TLK1: variants seen among roughly 807,000 people sequenced by gnomAD.
TLK1 encodes the protein tousled like kinase 1.
Under a neutral mutation model 105.3 loss-of-function variants are expected in TLK1, and 24 were observed. The ratio of observed to expected loss-of-function variants is 0.23; its 90% CI spans 0.17 to 0.32. The LOEUF is 0.32. Among genes scored for constraint, TLK1 ranks in the 10% least tolerant of loss-of-function variants. The pLI is 1.00. For synonymous variants in TLK1, 321 were observed against 310.4 expected, an observed-to-expected ratio of 1.03 and a Z score of -0.36; for missense variants, 558 against 910.5, an observed-to-expected ratio of 0.61 and a Z score of 4.98.
intron 4 of TLK1, among the ~76,000 whole-genome samples, chr2:171,060,870 GGACAT>G (rs1255001240): frequency 6.6e-6 from 1 of 152,032 alleles, no homozygotes; most frequent in Non-Finnish European, 1.5e-5. Flanking sequence ...TGCCAGATTT[GGACAT>G]GATACTTGTC....
intron 3 of TLK1, among the ~76,000 whole-genome samples, chr2:171,074,600 C>G (rs1283086401): frequency 6.8e-6 from 1 of 146,088 alleles, no homozygotes; most frequent in African/African-American, 2.6e-5. Context: ...GCACTCCAAC[C>G]TGCGTGACAG....
Position 170,991,957 on chromosome 2 carries a change from T to TTA in TLK1, c.*1821_*1822dup, listed in dbSNP as rs1336690341. On this transcript the variant is annotated 3_prime_UTR_variant, in exon 21 of 21. Coordinates refer to ENST00000431350, the MANE Select transcript of TLK1 (RefSeq NM_012290.5). ...CAGAGGAATGGGTATAGCCAGCCCCTTAAACCACTCTTGATGGTTCTAAGT... is the reference window on the plus strand; with the variant it reads ...CAGAGGAATGGGTATAGCCAGCCCCTTATAAACCACTCTTGATGGTTCTAAGT... 6.6e-6 allele frequency: 1 copy of TTA among 152,166 alleles called. No homozygotes were observed. The highest frequency in any genetic ancestry group is 1.5e-5 in the Non-Finnish European group (1 of 68,002). The allele number at this position is 152,166 out of a possible 1,614,324, so 9.4% of individuals were successfully genotyped here. A position where few individuals can be genotyped will look rare whatever the true frequency, so the allele number is the denominator to read the frequency against.
intron 20 of TLK1, among the ~76,000 whole-genome samples, chr2:170,994,528 T>C (rs1260357454): frequency 7.3e-6 from 1 of 136,754 alleles, no homozygotes; most frequent in Admixed American, 7.5e-5. Flanking sequence ...TCTTTGAGAA[T>C]AGCCTCTTAC....
intron 10 of TLK1, among the ~76,000 whole-genome samples, chr2:171,049,303 TAATA>T (rs1370903837): frequency 2.0e-5 from 3 of 151,978 alleles, no homozygotes; most frequent in African/African-American, 4.8e-5. Context: ...AATAAATAAA[TAATA>T]AATAGAGTTT....
intron 1 of TLK1, chr2:171,155,537 T>C (rs1474702971): frequency 6.6e-6 from 1 of 152,040 alleles, no homozygotes; most frequent in African/African-American, 2.4e-5. Flanking sequence ...TGAATATATA[T>C]AAGTATAGTT....
At chr2:171,056,875 T>A (rs1687527890) in intron 5 of TLK1, among the ~76,000 whole-genome samples, 1 of 151,836 alleles carries the variant, frequency 6.6e-6, no homozygotes, top group Non-Finnish European at 1.5e-5. Flanking sequence ...TATTTTGTTT[T>A]CCCCCCAAAT....
chr2:171,188,735 T>C (rs1054680826), intron 1 of TLK1, among the ~76,000 whole-genome samples: 5 of 134,090 alleles, frequency 3.7e-5, no homozygotes, highest in African/African-American at 1.1e-4. Flanking sequence ...AGAAAATTAG[T>C]AGGACGTGGT....
At chr2:171,043,182 C>T (rs1686773288) in intron 11 of TLK1, among the ~76,000 whole-genome samples, 1 of 152,164 alleles carries the variant, frequency 6.6e-6, no homozygotes, top group South Asian at 2.1e-4. Flanking sequence ...GACATTGATG[C>T]TGCGACTGAA....
intron 18 of TLK1, among the ~76,000 whole-genome samples, chr2:171,003,977 C>T (rs935940236): frequency 2.6e-5 from 4 of 151,436 alleles, no homozygotes; most frequent in African/African-American, 9.7e-5. Flanking sequence ...TTTTTCGAGA[C>T]GGAGTCTTGC....
At chr2:171,018,109 T>C (rs1487698287) in intron 12 of TLK1, among the ~76,000 whole-genome samples, 1 of 152,126 alleles carries the variant, frequency 6.6e-6, no homozygotes, top group Non-Finnish European at 1.5e-5. Flanking sequence ...CTTTGGGAGG[T>C]ACTTAGGGTT....
chr2:171,067,044 T>TG, intron 3 of TLK1: 2 of 1,397,172 alleles, frequency 1.4e-6, no homozygotes, highest in Non-Finnish European at 9.5e-7. Context: ...AACATACTCC[T>TG]GTATCATACC....
intron 3 of TLK1, among the ~76,000 whole-genome samples, chr2:171,067,907 T>C (rs1421018880): frequency 2.0e-5 from 3 of 152,212 alleles, no homozygotes; most frequent in Non-Finnish European, 4.4e-5. Flanking sequence ...TTGCTGAGAA[T>C]GATGGTTTCC....
At chr2:171,083,032 T>C (rs1324439615) in intron 2 of TLK1, among the ~76,000 whole-genome samples, 180 bp from the exon 3 acceptor site, 1 of 152,214 alleles carries the variant, frequency 6.6e-6, no homozygotes, top group Non-Finnish European at 1.5e-5. Flanking sequence ...CTTAACACTA[T>C]ATACTTTGAA....
At position 171,018,182 on chromosome 2, in the gene TLK1, C is replaced by T. The variant is rs1467556657; in HGVS notation, c.1237-3234G>A. 2.0e-5 allele frequency among the ~76,000 whole-genome samples: 3 copies of T among 152,154 alleles called. No individual in the cohort carries two copies. The South Asian group carries it at 6.2e-4, about 32-fold the overall frequency. ...CCTTATGAGAAGAAAGGTTCCCCCA[C>T]CCCTCCCTCCAAGGAGCACAGAGAA... is the stretch of plus-strand genomic sequence containing the variant. On this transcript the variant is annotated intron_variant, in intron 12 of 20. Transcript: ENST00000431350.
chr2:171,010,588 T>C (rs1048205811), intron 14 of TLK1, among the ~76,000 whole-genome samples: 3 of 139,280 alleles, frequency 2.2e-5, no homozygotes, highest in African/African-American at 5.4e-5. Flanking sequence ...AGGAATCCAA[T>C]ATTTAAAGGT....
chr2:171,019,809 G>C (rs1156783993), intron 12 of TLK1, among the ~76,000 whole-genome samples: 1 of 152,160 alleles, frequency 6.6e-6, no homozygotes, highest in African/African-American at 2.4e-5. Flanking sequence ...TATAATCCCA[G>C]CACTTTGGGA....
At chr2:171,149,213 A>G (rs1486578253) in intron 1 of TLK1, among the ~76,000 whole-genome samples, 1 of 149,886 alleles carries the variant, frequency 6.7e-6, no homozygotes, top group Admixed American at 6.7e-5. Context: ...TCTAAAAAAA[A>G]GGGTAGGGGC....
chr2:171,173,112 T>G (rs1692759643), intron 1 of TLK1, among the ~76,000 whole-genome samples: 1 of 152,214 alleles, frequency 6.6e-6, no homozygotes, highest in African/African-American at 2.4e-5. Context: ...TAGTATAGTT[T>G]TATTCAGCCA....
chr2:171,195,264 A>C (rs1055714931), intron 1 of TLK1, among the ~76,000 whole-genome samples: 1 of 151,328 alleles, frequency 6.6e-6, no homozygotes, highest in Non-Finnish European at 1.5e-5. Context: ...AGCACTTTGG[A>C]AGGCGGAGGC....
Sources: gnomAD v4.1 joint callset for allele counts (sites outside exome capture counted in the v4.1 genomes callset) on GRCh38, gnomAD v4.1.1 for gene constraint, MANE v1.5 for transcripts, NCBI Gene and HGNC (gene_info 2026-07-23, HGNC 2026-07-21) for gene names.